Variants in BEND7 observed in about 807,000 individuals in gnomAD.
BEND7 encodes BEN domain containing 7, also known as BEN domain-containing protein 7.
Under a neutral mutation model 50.9 loss-of-function variants are expected in BEND7, and 28 were observed. The ratio of observed to expected loss-of-function variants is 0.55; its 90% CI spans 0.41 to 0.75. The LOEUF (loss-of-function observed/expected upper bound fraction) is 0.75. Ranked by LOEUF, BEND7 falls within the 30% of genes least tolerant of loss-of-function variation. The pLI, the probability that BEND7 is intolerant of heterozygous loss-of-function variation, is 0.00. For synonymous variants in BEND7, 170 were observed against 183.9 expected (o/e 0.92, Z 0.61); for missense variants, 477 against 491.3 (o/e 0.97, Z 0.28).
chr10:13,524,370 C>T (rs566326966), intron 2 of BEND7, among the ~76,000 whole-genome samples: 8 of 152,232 alleles, frequency 5.3e-5, no homozygotes, highest in South Asian at 2.1e-4. Flanking sequence ...CAACCAGGCA[C>T]GGTGGCTCAC....
intron 6 of BEND7, among the ~76,000 whole-genome samples, chr10:13,457,188 C>T (rs1320963636): frequency 6.6e-6 from 1 of 152,194 alleles, no homozygotes; most frequent in Non-Finnish European, 1.5e-5. Flanking sequence ...AAAGTCATGG[C>T]TCCAAATTAA....
intron 2 of BEND7, among the ~76,000 whole-genome samples, chr10:13,508,872 C>T (rs2211199): frequency 3.3e-5 from 5 of 152,290 alleles, no homozygotes; most frequent in South Asian, 2.1e-4. Flanking sequence ...CTCTTCTGAT[C>T]GACGGGCAGG....
chr10:13,493,396 T>C (rs1482461220), intron 4 of BEND7, among the ~76,000 whole-genome samples: 1 of 152,214 alleles, frequency 6.6e-6, no homozygotes, highest in East Asian at 1.9e-4. Context: ...GGGATGATTC[T>C]ACATTAGGGA....
At chr10:13,503,233 TGTGCAGAAACA>T (rs2077612537) in intron 2 of BEND7, among the ~76,000 whole-genome samples, 2 of 152,100 alleles carry the variant, frequency 1.3e-5, no homozygotes, top group Non-Finnish European at 2.9e-5. Flanking sequence ...GCGCCTGCCG[TGTGCAGAAACA>T]TGTCTCCCAA....
At chr10:13,484,952 G>A (rs899834380) in intron 5 of BEND7, among the ~76,000 whole-genome samples, 1 of 152,208 alleles carries the variant, frequency 6.6e-6, no homozygotes, top group Non-Finnish European at 1.5e-5. Context: ...TCTTGAAAAT[G>A]TCCTGGATCC....
chr10:13,441,453 C>CA lies in BEND7; in HGVS notation c.*289_*290insT. The CA allele has an allele frequency of 7.8e-7, 1 of 1,283,486 alleles. No homozygotes were observed. The highest frequency in any genetic ancestry group is 9.8e-7 in the Non-Finnish European group (1 of 1,016,638). 79.5% of individuals were successfully genotyped at this position (1,283,486 alleles called of 1,614,324 possible). A position where few individuals can be genotyped will look rare whatever the true frequency, so the allele number is the denominator to read the frequency against. On this transcript the variant is annotated 3_prime_UTR_variant, in exon 9 of 9. Transcript: ENST00000466271. The stretch of plus-strand genomic sequence containing the variant: ...GTGTAGATCCGTTCATCGCACACAT[C>CA]TTTGGGTTGAACAAGCTCCACCCGT...
intron 1 of BEND7, 84 bp downstream of exon 1, chr10:13,528,389 G>A (rs2079559611): frequency 1.6e-6 from 1 of 625,312 alleles, no homozygotes; most frequent in Non-Finnish European, 2.0e-6. Flanking sequence ...GCTCCGGGAG[G>A]GCGCGCCCCC....
At chr10:13,522,849 CA>C (rs2079174225) in intron 2 of BEND7, among the ~76,000 whole-genome samples, 1 of 152,200 alleles carries the variant, frequency 6.6e-6, no homozygotes, top group Non-Finnish European at 1.5e-5. Flanking sequence ...TTGGGCAGGT[CA>C]CCTCGACATC....
In BEND7 at chr10:13,492,785, C is replaced by A. The variant is rs767997308; in HGVS notation, c.663G>T (p.Val221=). 3.1e-6 allele frequency: 5 copies of A among 1,608,242 alleles called. No homozygotes were observed. In the South Asian group the frequency reaches 4.4e-5, roughly 14 times the overall value. Residue 221 remains valine, a synonymous_variant, in exon 5 of 9, where the codon GTG becomes GTT. Transcript: ENST00000466271. ...VSRKRNKKKK[V]PPKTVEPLTV... is the part of the protein sequence containing the mutation. ...TAAGAGGTTCCACAGTCTTTGGGGG[C>A]ACTTTTTTCTTTTTATTTCTCTTTC...
At position 13,500,693 on chromosome 10, in the gene BEND7, G is replaced by A. The variant is rs911673810; in HGVS notation, c.146-613C>T. 16 of 985,510 alleles carry A rather than the reference G, an allele frequency of 1.6e-5. No homozygotes were observed. The South Asian group carries it at 3.3e-4, about 20-fold the overall frequency. 61.0% of individuals were successfully genotyped at this position (985,510 alleles called of 1,614,324 possible). ...TGGAGACATCACCTTCAGAGAGGAC[G>A]GCCGAGGAGACAGAGAGGCGCCGAG... is the stretch of plus-strand genomic sequence containing the variant. On this transcript the variant is annotated intron_variant, in intron 2 of 8. Coordinates refer to ENST00000466271, the MANE Select transcript of BEND7 (RefSeq NM_001369863.1).
intron 6 of BEND7, chr10:13,459,442 G>C (rs1162866128): frequency 6.6e-6 from 1 of 152,214 alleles, no homozygotes; most frequent in Non-Finnish European, 1.5e-5. Context: ...CATTTTCAAG[G>C]AGAAAGTGGA....
At position 13,528,581 on chromosome 10, in the gene BEND7, GGCAGCGGCAGCGGCGGCA is replaced by G; in HGVS notation, c.-66_-49del. The stretch of plus-strand genomic sequence containing the variant: ...GGGCTGAGGAGGCGGCGGCAGCGGC[GGCAGCGGCAGCGGCGGCA>G]GCGGCAGCGGCGGCGCGGGCTCGTG... On this transcript the variant is annotated 5_prime_UTR_variant, in exon 1 of 9. Transcript: ENST00000466271. The G allele has an allele frequency of 2.0e-4, 1 of 5,036 alleles. No individual in the cohort carries two copies. Among genetic ancestry groups the G allele is most frequent in the South Asian group, 7.0e-3 (1 of 142 alleles). 0.3% of individuals were successfully genotyped at this position (5,036 alleles called of 1,614,324 possible).
At chr10:13,505,818 C>T (rs147518415) in intron 2 of BEND7, among the ~76,000 whole-genome samples, 11 of 152,292 alleles carry the variant, frequency 7.2e-5, no homozygotes, top group African/African-American at 2.4e-4. Context: ...AACAGTCACC[C>T]TGTCTGTGCC....
intron 2 of BEND7, 47 bp from the exon 3 acceptor site, chr10:13,500,127 A>G: frequency 1.4e-6 from 2 of 1,404,466 alleles, no homozygotes; most frequent in Non-Finnish European, 1.9e-6. Flanking sequence ...AGTGAAAGAG[A>G]AAACAGTTCA....
At chr10:13,506,328 G>T (rs1462090130) in intron 2 of BEND7, among the ~76,000 whole-genome samples, 1 of 152,152 alleles carries the variant, frequency 6.6e-6, no homozygotes, top group Non-Finnish European at 1.5e-5. Context: ...CTGCAGAGGA[G>T]AACCTGGCTT....
intron 2 of BEND7, among the ~76,000 whole-genome samples, chr10:13,509,002 G>A (rs749627174): frequency 7.2e-5 from 11 of 152,240 alleles, no homozygotes; most frequent in Non-Finnish European, 1.5e-4. Flanking sequence ...TGGGAAAACA[G>A]GTACTGAAAG....
intron 6 of BEND7, among the ~76,000 whole-genome samples, chr10:13,464,170 G>A (rs1179978961): frequency 6.6e-6 from 1 of 152,238 alleles, no homozygotes; most frequent in East Asian, 1.9e-4. Context: ...ATTGCCTGGT[G>A]TGTTCTCTAG....
At chr10:13,467,574 T>C (rs1158104497) in intron 6 of BEND7, among the ~76,000 whole-genome samples, 2 of 152,234 alleles carry the variant, frequency 1.3e-5, no homozygotes, top group Admixed American at 6.5e-5. Context: ...ATTACCTTAA[T>C]GTTTTTGATC....
chr10:13,492,859 G>A lies in BEND7; in HGVS notation c.589C>T (p.Gln197Ter). Reference protein sequence around the residue: ...QIQAVGTQNRQQPPISLICSQ... With the variant: ...QIQAVGTQNR ...CATATAAGGGAAATTGGAGGTTGTT[G>A]TCTGTTTTGAGTTCCAACTGCGAAT... The change falls in exon 5 of 9, where the codon CAA becomes TAA. Residue 197 changes from glutamine to a stop codon, truncating the protein, a stop_gained. Transcript: ENST00000466271. LOFTEE classifies it high-confidence loss of function. 1 of 1,599,852 alleles carries A rather than the reference G, an allele frequency of 6.3e-7. No individual in the cohort carries two copies. The highest frequency in any genetic ancestry group is 8.5e-7 in the Non-Finnish European group (1 of 1,176,854).
Sources: gnomAD v4.1 joint callset for allele counts (sites outside exome capture counted in the v4.1 genomes callset) on GRCh38, gnomAD v4.1.1 for gene constraint, MANE v1.5 for transcripts, NCBI Gene and HGNC (gene_info 2026-07-23, HGNC 2026-07-21) for gene names.